The following CNTNAP2 variants were observed in gnomAD, a reference collection of about 807,000 sequenced individuals.
CNTNAP2 encodes the protein contactin-associated protein-like 2.
In CNTNAP2, 98 loss-of-function variants were observed where a neutral mutation model predicts 155.2. The ratio of observed to expected loss-of-function variants is 0.63; its 90% confidence interval spans 0.54 to 0.75. CNTNAP2 has a LOEUF of 0.75. Among genes scored for constraint, CNTNAP2 ranks in the 30% least tolerant of loss-of-function variants. The pLI is 0.00. For synonymous variants in CNTNAP2, 651 were observed against 631.2 expected, an observed-to-expected ratio of 1.03 and a Z score of -0.47; for missense variants, 1,727 against 1,688.1, an observed-to-expected ratio of 1.02 and a Z score of -0.40.
chr7:147,328,191 A>C (rs972765400), intron 9 of CNTNAP2, among the ~76,000 whole-genome samples: 2 of 152,190 alleles, frequency 1.3e-5, no homozygotes, highest in Non-Finnish European at 2.9e-5. Context: ...TGAGTTTCCA[A>C]CTGGAAATGG....
At chr7:147,502,741 G>GTGTATATATATATATA (rs1491222754) in intron 11 of CNTNAP2, among the ~76,000 whole-genome samples, 1 of 99,956 alleles carries the variant, frequency 1.0e-5, no homozygotes, top group Non-Finnish European at 2.0e-5. Context: ...GTGTGTGTGT[G>GTGTATATATATATATA]TATATATATA....
At position 146,596,595 on chromosome 7, in the gene CNTNAP2, CAGAGAGAGAGAG is replaced by C. The variant is rs368697909; in HGVS notation, c.98-177642_98-177631del. Among the ~76,000 whole-genome samples the C allele has an allele frequency of 7.6e-3, 803 of 105,084 alleles. 8 individuals are homozygous for C. The highest frequency in any genetic ancestry group is 0.024 in the African/African-American group (705 of 28,822). The allele number at this position is 105,084 out of a possible 152,430, so 68.9% of individuals were successfully genotyped here. ...AAGAAAGAGAGAGATAGAAGGGAGA[CAGAGAGAGAGAG>C]AGAGAGAGAGAGAGAGAGAGAGAGA... is the stretch of plus-strand genomic sequence containing the variant. On this transcript the variant is annotated intron_variant, in intron 1 of 23. Transcript: ENST00000361727.
intron 1 of CNTNAP2, among the ~76,000 whole-genome samples, chr7:146,126,387 A>G (rs934384831): frequency 6.6e-6 from 1 of 152,248 alleles, no homozygotes; most frequent in African/African-American, 2.4e-5. Flanking sequence ...TATTTGAAAT[A>G]AAGAGAGGAA....
chr7:147,556,072 C>T (rs958186044), intron 11 of CNTNAP2, among the ~76,000 whole-genome samples: 1 of 152,186 alleles, frequency 6.6e-6, no homozygotes, highest in African/African-American at 2.4e-5. Flanking sequence ...AACAGAATTT[C>T]TCTGTCACAT....
At chr7:146,817,870 C>A (rs1803204062) in intron 2 of CNTNAP2, among the ~76,000 whole-genome samples, 2 of 151,996 alleles carry the variant, frequency 1.3e-5, no homozygotes, top group Non-Finnish European at 2.9e-5. Context: ...AGATTAAAAC[C>A]ATATCAAATA....
At chr7:147,923,600 A>T (rs1800324894) in intron 14 of CNTNAP2, among the ~76,000 whole-genome samples, 1 of 151,962 alleles carries the variant, frequency 6.6e-6, no homozygotes, top group South Asian at 2.1e-4. Context: ...TGCAGCCTCA[A>T]TTGCCAGGGC....
At chr7:147,997,865 A>G (rs1387455888) in intron 15 of CNTNAP2, among the ~76,000 whole-genome samples, 1 of 152,126 alleles carries the variant, frequency 6.6e-6, no homozygotes, top group Admixed American at 6.5e-5. Context: ...CATACGTCTC[A>G]TGTCTCATTA....
chr7:146,680,392 T>A (rs906961527), intron 1 of CNTNAP2, among the ~76,000 whole-genome samples: 1 of 152,218 alleles, frequency 6.6e-6, no homozygotes, highest in Non-Finnish European at 1.5e-5. Context: ...TCTGTCAGTT[T>A]TTACACCTCT....
At chr7:146,209,089 C>A (rs1798995159) in intron 1 of CNTNAP2, among the ~76,000 whole-genome samples, 2 of 152,090 alleles carry the variant, frequency 1.3e-5, no homozygotes, top group Non-Finnish European at 2.9e-5. Context: ...ACTTGAGCTC[C>A]TTTGATGCCT....
intron 13 of CNTNAP2, among the ~76,000 whole-genome samples, chr7:147,822,976 T>G (rs1029851231): frequency 3.3e-5 from 5 of 152,242 alleles, no homozygotes; most frequent in African/African-American, 1.2e-4. Context: ...AACCTTGTCT[T>G]CTACAGTAGG....
chr7:146,621,385 C>T (rs944213543), intron 1 of CNTNAP2, among the ~76,000 whole-genome samples: 3 of 152,030 alleles, frequency 2.0e-5, no homozygotes, highest in African/African-American at 7.2e-5. Flanking sequence ...TTAGGTTTTA[C>T]CTTTAGTCCT....
chr7:146,137,241 C>T (rs1470518251), intron 1 of CNTNAP2, among the ~76,000 whole-genome samples: 1 of 152,054 alleles, frequency 6.6e-6, no homozygotes, highest in Non-Finnish European at 1.5e-5. Flanking sequence ...TTGAGACTAA[C>T]AAGTAAATCA....
intron 3 of CNTNAP2, among the ~76,000 whole-genome samples, chr7:147,038,398 T>C (rs372830846): frequency 4.1e-4 from 62 of 152,304 alleles, no homozygotes; most frequent in African/African-American, 1.5e-3. Context: ...GTTGTATTAG[T>C]CAATGTTATT....
At position 146,711,397 on chromosome 7, in the gene CNTNAP2, G is replaced by A. The variant is rs1801069492; in HGVS notation, c.98-62874G>A. ...CATGAGAATGCCAGAAACAATATAT[G>A]TATAATATATACTATGTAATATATA... On this transcript the variant is annotated intron_variant, in intron 1 of 23. Transcript: ENST00000361727. Among the ~76,000 whole-genome samples the A allele has an allele frequency of 3.4e-5, 5 of 146,434 alleles. No individual in the cohort carries two copies. The South Asian group carries it at 1.1e-3, about 31-fold the overall frequency.
At chr7:147,179,422 G>C (rs146309803) in intron 8 of CNTNAP2, among the ~76,000 whole-genome samples, 6 of 152,224 alleles carry the variant, frequency 3.9e-5, no homozygotes, top group Non-Finnish European at 8.8e-5. Flanking sequence ...AATATTGGAG[G>C]AAGAAAACTC....
intron 14 of CNTNAP2, among the ~76,000 whole-genome samples, chr7:147,973,594 A>G (rs1801374783): frequency 1.3e-5 from 2 of 152,244 alleles, no homozygotes; most frequent in Non-Finnish European, 2.9e-5. Flanking sequence ...TGAATAAAAC[A>G]TTGCAGATAT....
chr7:146,950,877 C>A (rs1037497413), intron 3 of CNTNAP2, among the ~76,000 whole-genome samples: 1 of 152,140 alleles, frequency 6.6e-6, no homozygotes, highest in Non-Finnish European at 1.5e-5. Flanking sequence ...ACACTGTCTT[C>A]CACAATGGTT....
intron 8 of CNTNAP2, among the ~76,000 whole-genome samples, chr7:147,213,820 C>G (rs1803207050): frequency 6.6e-6 from 1 of 152,026 alleles, no homozygotes; most frequent in African/African-American, 2.4e-5. Context: ...AGTCTGAAGG[C>G]CTGAGAACTC....
At chr7:147,347,500 A>ATG (rs1407391848) in intron 9 of CNTNAP2, among the ~76,000 whole-genome samples, 12 of 121,390 alleles carry the variant, frequency 9.9e-5, no homozygotes, top group East Asian at 2.5e-4. Flanking sequence ...ATGCATATAT[A>ATG]TGTGTGTGTG....
Sources: gnomAD v4.1 joint callset for allele counts (sites outside exome capture counted in the v4.1 genomes callset) on GRCh38, gnomAD v4.1.1 for gene constraint, MANE v1.5 for transcripts, NCBI Gene and HGNC (gene_info 2026-07-23, HGNC 2026-07-21) for gene names.